Variants in SDK1 observed in about 807,000 individuals in gnomAD.
The protein encoded by SDK1 is sidekick cell adhesion molecule 1.
Under a neutral mutation model 245.5 loss-of-function variants are expected in SDK1, and 157 were observed. The observed-to-expected ratio is 0.64, with a 90% CI of 0.56 to 0.73. SDK1 has a LOEUF of 0.73. SDK1 is among the 30% of genes least tolerant of loss of function. The pLI is 0.00. For synonymous variants in SDK1, 1,647 were observed against 1,278.5 expected (o/e 1.29, Z -6.15); for missense variants, 3,583 against 3,002.3 (o/e 1.19, Z -4.52).
At chr7:3,320,800 A>G (rs1292029905) in intron 1 of SDK1, among the ~76,000 whole-genome samples, 1 of 152,296 alleles carries the variant, frequency 6.6e-6, no homozygotes, top group East Asian at 1.9e-4. Context: ...ACTTTATAAT[A>G]TAGTGATAAG....
chr7:4,123,945 G>A (rs778896317), intron 25 of SDK1, among the ~76,000 whole-genome samples: 1 of 152,352 alleles, frequency 6.6e-6, no homozygotes, highest in East Asian at 1.9e-4. Flanking sequence ...GGCATCCCAG[G>A]CCTTTGCTCT....
chr7:4,015,484 G>A (rs1437848461), intron 16 of SDK1, among the ~76,000 whole-genome samples: 1 of 152,160 alleles, frequency 6.6e-6, no homozygotes, highest in Non-Finnish European at 1.5e-5. Context: ...TTCATCTTTT[G>A]TAGATGGTGA....
chr7:4,071,934 G>A (rs1357819006), intron 20 of SDK1, among the ~76,000 whole-genome samples: 1 of 152,190 alleles, frequency 6.6e-6, no homozygotes, highest in African/African-American at 2.4e-5. Flanking sequence ...ACACACGTTA[G>A]CCCCTGCCCT....
chr7:4,110,458 C>T (rs1783265408), intron 22 of SDK1, among the ~76,000 whole-genome samples: 1 of 152,164 alleles, frequency 6.6e-6, no homozygotes, highest in Admixed American at 6.5e-5. Flanking sequence ...TTGACTAAAA[C>T]TCACCCAGAC....
intron 5 of SDK1, among the ~76,000 whole-genome samples, chr7:3,827,181 T>C (rs1779796668): frequency 6.6e-6 from 1 of 151,788 alleles, no homozygotes; most frequent in African/African-American, 2.4e-5. Context: ...TGGGGGAAGC[T>C]CAATATGCCC....
chr7:3,512,524 A>G lies in SDK1; in HGVS notation c.299-106556A>G, dbSNP rs1382578325. ...TGGTACGGGTATGTTTCGTTTTGTA[A>G]GAAGCCACCAGGCTGTCCTCAGAAG... On this transcript the variant is annotated intron_variant, in intron 1 of 44. Transcript: ENST00000404826. Among the ~76,000 whole-genome samples the G allele has an allele frequency of 4.6e-5, 7 of 152,312 alleles. No homozygotes were observed. In the South Asian group the frequency reaches 1.2e-3, roughly 27 times the overall value.
chr7:3,349,425 G>A (rs550638111), intron 1 of SDK1, among the ~76,000 whole-genome samples: 7 of 152,242 alleles, frequency 4.6e-5, no homozygotes, highest in African/African-American at 1.7e-4. Flanking sequence ...GTTACTGTTG[G>A]ATGGAACTGT....
chr7:4,065,694 G>GTTTTTTTTTTTTT lies in SDK1; in HGVS notation c.2912-2121_2912-2109dup, dbSNP rs749991713. Among the ~76,000 whole-genome samples, 25 of 66,750 alleles carry GTTTTTTTTTTTTT rather than the reference G, an allele frequency of 3.7e-4. 3 individuals are homozygous for GTTTTTTTTTTTTT. The highest frequency in any genetic ancestry group is 1.3e-3 in the Admixed American group (5 of 3,706). The allele number at this position is 66,750 out of a possible 152,430, so 43.8% of individuals were successfully genotyped here. A position where few individuals can be genotyped will look rare whatever the true frequency, so the allele number is the denominator to read the frequency against. On this transcript the variant is annotated intron_variant, in intron 19 of 44. Coordinates refer to ENST00000404826, the MANE Select transcript of SDK1 (RefSeq NM_152744.4). ...AGTTTCACCCAGATGAGTGGTTGTT[G>GTTTTTTTTTTTTT]TTTTTTTTTTTTTTTTTTTTTTTTT...
chr7:3,823,009 T>C (rs573044358), intron 5 of SDK1, among the ~76,000 whole-genome samples: 45 of 152,072 alleles, frequency 3.0e-4, no homozygotes, highest in Non-Finnish European at 5.7e-4. Context: ...ATTTGAGGAA[T>C]TGAATCTCGC....
chr7:3,780,218 A>C (rs2115010869), intron 4 of SDK1, among the ~76,000 whole-genome samples: 1 of 152,356 alleles, frequency 6.6e-6, no homozygotes, highest in East Asian at 1.9e-4. Flanking sequence ...GCACAGTGCC[A>C]GACTGAGAGG....
chr7:4,163,566 G>T (rs537372726), intron 32 of SDK1, among the ~76,000 whole-genome samples: 38 of 152,192 alleles, frequency 2.5e-4, no homozygotes, highest in Non-Finnish European at 2.8e-4. Context: ...CTGCAGAAGG[G>T]CCACTCCAAG....
intron 4 of SDK1, among the ~76,000 whole-genome samples, chr7:3,786,086 G>A (rs1780891696): frequency 1.3e-5 from 2 of 152,156 alleles, no homozygotes; most frequent in South Asian, 4.1e-4. Context: ...AATAGAGAGA[G>A]CGAAAGTGCT....
intron 1 of SDK1, among the ~76,000 whole-genome samples, chr7:3,512,854 T>A (rs1316716728): frequency 6.6e-6 from 1 of 152,174 alleles, no homozygotes; most frequent in South Asian, 2.1e-4. Context: ...TTCTGTTTTG[T>A]TAAAGTGCAT....
chr7:4,230,069 A>G (rs560096482), intron 40 of SDK1, among the ~76,000 whole-genome samples: 4 of 134,182 alleles, frequency 3.0e-5, no homozygotes, highest in African/African-American at 1.2e-4. Context: ...GGAAGGAAGG[A>G]AGGAAGGAAG....
At chr7:3,920,399 A>G (rs565188082) in intron 5 of SDK1, among the ~76,000 whole-genome samples, 2 of 152,000 alleles carry the variant, frequency 1.3e-5, no homozygotes, top group African/African-American at 4.8e-5. Flanking sequence ...TCTGGGGGGA[A>G]GGTCAAGGTC....
At chr7:3,570,795 C>T (rs1016110024) in intron 1 of SDK1, among the ~76,000 whole-genome samples, 1 of 152,168 alleles carries the variant, frequency 6.6e-6, no homozygotes, top group African/African-American at 2.4e-5. Flanking sequence ...ACAAAGTACT[C>T]TCTTTTAGCA....
intron 4 of SDK1, among the ~76,000 whole-genome samples, chr7:3,732,950 A>G (rs1240106441): frequency 6.6e-6 from 1 of 152,162 alleles, no homozygotes. Flanking sequence ...TAGGGAGGCA[A>G]CCTAGTTTAT....
At chr7:3,316,510 A>G (rs1014780140) in intron 1 of SDK1, among the ~76,000 whole-genome samples, 80 of 152,214 alleles carry the variant, frequency 5.3e-4, no homozygotes, top group Non-Finnish European at 1.1e-3. Flanking sequence ...GCTTATCCCC[A>G]TCATTAAGTG....
rs1260284950 is a variant in SDK1, at chr7:4,265,403, C to G, written c.*19C>G. On this transcript the variant is annotated 3_prime_UTR_variant, in exon 45 of 45. Transcript: ENST00000404826. ...CGTGTGAGCAAAGCGCCGCGCCTCC[C>G]TCAGGGCGGAACGGAGGCAACTTTC... is the stretch of plus-strand genomic sequence containing the variant. 9 of 1,419,444 alleles carry G rather than the reference C, an allele frequency of 6.3e-6. No individual in the cohort carries two copies. The Admixed American group carries it at 9.4e-5, about 15-fold the overall frequency. The allele number at this position is 1,419,444 out of a possible 1,614,324, so 87.9% of individuals were successfully genotyped here. A position where few individuals can be genotyped will look rare whatever the true frequency, so the allele number is the denominator to read the frequency against.
Sources: gnomAD v4.1 joint callset for allele counts (sites outside exome capture counted in the v4.1 genomes callset) on GRCh38, gnomAD v4.1.1 for gene constraint, MANE v1.5 for transcripts, NCBI Gene and HGNC (gene_info 2026-07-23, HGNC 2026-07-21) for gene names.